PTPRN2: variants seen among roughly 807,000 people sequenced by gnomAD.
PTPRN2 encodes the protein receptor-type tyrosine-protein phosphatase N2.
In PTPRN2, 74 loss-of-function variants were observed where a neutral mutation model predicts 118.8. That is an observed-to-expected ratio of 0.62 (90% confidence interval 0.52 to 0.76). The LOEUF (loss-of-function observed/expected upper bound fraction) is 0.76. PTPRN2 is among the 30% of genes least tolerant of loss of function. PTPRN2 has a pLI of 0.00. For missense variants in PTPRN2, 1,481 were observed against 1,394.4 expected (o/e 1.06, Z -0.99); for synonymous variants, 641 against 608.0 (o/e 1.05, Z -0.80).
At chr7:157,731,949 G>C (rs1451881629) in intron 12 of PTPRN2, among the ~76,000 whole-genome samples, 1 of 44,530 alleles carries the variant, frequency 2.2e-5, no homozygotes, top group Admixed American at 2.5e-4. Flanking sequence ...CGTCCCATGC[G>C]CCCAGCACAG....
At chr7:157,814,112 G>C (rs998416609) in intron 12 of PTPRN2, among the ~76,000 whole-genome samples, 1 of 152,228 alleles carries the variant, frequency 6.6e-6, no homozygotes, top group Non-Finnish European at 1.5e-5. Context: ...CGGAGCCCCT[G>C]GGGGACACGG....
intron 21 of PTPRN2, among the ~76,000 whole-genome samples, chr7:157,563,550 C>G (rs1418410776): frequency 3.1e-5 from 4 of 128,218 alleles, no homozygotes; most frequent in Non-Finnish European, 6.5e-5. Flanking sequence ...CGTGCTCCCA[C>G]GTCACCACAC....
At position 157,987,944 on chromosome 7, in the gene PTPRN2, T is replaced by C. The variant is rs1377958855; in HGVS notation, c.1724-89207A>G. On this transcript the variant is annotated intron_variant, in intron 11 of 22. Coordinates refer to ENST00000389418, the MANE Select transcript of PTPRN2 (RefSeq NM_002847.5). This position sits in a 1 kb window ranked among gnomAD's most constrained non-coding sequence, Gnocchi z 4.3. ...CCAGAGAAGGGTCTCCGGACATCAC[T>C]GATGCCCCCAGCTCTCCCCACACCT... Among the ~76,000 whole-genome samples the C allele has an allele frequency of 6.6e-6, 1 of 151,962 alleles. No homozygotes were observed. The highest frequency in any genetic ancestry group is 1.9e-4 in the East Asian group (1 of 5,142).
At chr7:157,828,439 G>A (rs1259558441) in intron 12 of PTPRN2, among the ~76,000 whole-genome samples, 6 of 152,148 alleles carry the variant, frequency 3.9e-5, no homozygotes, top group Non-Finnish European at 7.3e-5. Flanking sequence ...TGTGCCCCTC[G>A]GGACCACTTC....
At chr7:158,586,025 T>TC (rs1402110315) in intron 1 of PTPRN2, among the ~76,000 whole-genome samples, 2 of 152,006 alleles carry the variant, frequency 1.3e-5, no homozygotes, top group African/African-American at 2.4e-5. Flanking sequence ...CATGCAGGAC[T>TC]CCCCCGTGCT....
At chr7:158,416,203 C>T (rs773820050) in intron 2 of PTPRN2, among the ~76,000 whole-genome samples, 1 of 152,212 alleles carries the variant, frequency 6.6e-6, no homozygotes, top group Non-Finnish European at 1.5e-5. Flanking sequence ...ACTTTGGGGC[C>T]CAGGAATGGG....
intron 12 of PTPRN2, among the ~76,000 whole-genome samples, chr7:157,825,699 T>TA (rs1303933794): frequency 2.6e-5 from 4 of 152,164 alleles, no homozygotes; most frequent in African/African-American, 9.7e-5. Flanking sequence ...CTCACACAGG[T>TA]ATCTCTCTCG....
chr7:158,340,404 C>A (rs1199419850), intron 2 of PTPRN2, among the ~76,000 whole-genome samples: 6 of 81,330 alleles, frequency 7.4e-5, no homozygotes, highest in Admixed American at 1.3e-4. Context: ...GAGCTGACAC[C>A]CGCAGACGTC....
intron 14 of PTPRN2, among the ~76,000 whole-genome samples, chr7:157,654,636 C>T (rs954055239): frequency 2.0e-5 from 3 of 152,168 alleles, no homozygotes; most frequent in Non-Finnish European, 2.9e-5. Context: ...GCAGGGTTTC[C>T]GCCAGGTGGA....
At chr7:158,424,585 T>TATGTGTGTACG (rs1308898438) in intron 2 of PTPRN2, among the ~76,000 whole-genome samples, 5 of 152,234 alleles carry the variant, frequency 3.3e-5, no homozygotes, top group Non-Finnish European at 5.9e-5. Context: ...CATACACACA[T>TATGTGTGTACG]GCCAGCACGC....
intron 12 of PTPRN2, among the ~76,000 whole-genome samples, chr7:157,774,532 T>C (rs1803075402): frequency 1.3e-5 from 2 of 152,250 alleles, no homozygotes; most frequent in Non-Finnish European, 2.9e-5. Context: ...GCCCCCCATC[T>C]CTGCACGCAG....
intron 12 of PTPRN2, among the ~76,000 whole-genome samples, chr7:157,812,734 A>G (rs1231308045): frequency 1.3e-5 from 2 of 152,094 alleles, no homozygotes; most frequent in South Asian, 2.1e-4. Context: ...TTTAACGTAT[A>G]GCCAAGGAGG....
At chr7:158,207,550 T>C (rs1299002342) in intron 3 of PTPRN2, among the ~76,000 whole-genome samples, 1 of 152,042 alleles carries the variant, frequency 6.6e-6, no homozygotes, top group Non-Finnish European at 1.5e-5. Context: ...AACCTACTCA[T>C]CTGACAAAGG....
chr7:158,146,626 C>A (rs373048748), intron 6 of PTPRN2, among the ~76,000 whole-genome samples: 1 of 143,910 alleles, frequency 6.9e-6, no homozygotes, highest in African/African-American at 2.6e-5. Context: ...GAGCCTGAGG[C>A]AGAAGAATGG....
rs990578728 is a variant in PTPRN2 at position 157,780,519 on chromosome 7, T to C, written c.1789-97582A>G. 3.9e-5 allele frequency among the ~76,000 whole-genome samples: 6 copies of C among 152,134 alleles called. No individual in the cohort carries two copies. Among genetic ancestry groups the C allele is most frequent in the East Asian group, 1.9e-4 (1 of 5,148 alleles). On this transcript the variant is annotated intron_variant, in intron 12 of 22. Coordinates refer to ENST00000389418, the MANE Select transcript of PTPRN2 (RefSeq NM_002847.5). The surrounding 1 kb of genome is among the most constrained non-coding windows in gnomAD (Gnocchi z 4.5). ...TGTCCCCACAGGCAGCTCGACATGG[T>C]GCAGACCGTGGCAGCCAAGTCAGGC...
rs968561182 is a variant in PTPRN2 at position 158,126,739 on chromosome 7, G to A, written c.1556+6938C>T. On this transcript the variant is annotated intron_variant, in intron 9 of 22. Transcript: ENST00000389418. Reference sequence around the variant, plus strand: ...AGCGGGCAGTGGTTCCTGAGCACTCGGTGGGTTTCACATTTCACATCTCAC... The same window carrying A: ...AGCGGGCAGTGGTTCCTGAGCACTCAGTGGGTTTCACATTTCACATCTCAC... Among the ~76,000 whole-genome samples the A allele has an allele frequency of 6.6e-5, 10 of 152,272 alleles. 1 individual carries two copies. Among genetic ancestry groups the A allele is most frequent in the African/African-American group, 1.2e-4 (5 of 41,546 alleles).
In PTPRN2 at chr7:157,868,035, T is replaced by G. The variant is rs1018041794; in HGVS notation, c.1788+30638A>C. Among the ~76,000 whole-genome samples the G allele has an allele frequency of 6.6e-6, 1 of 152,148 alleles. No homozygotes were observed. Among genetic ancestry groups the G allele is most frequent in the Non-Finnish European group, 1.5e-5 (1 of 68,022 alleles). On this transcript the variant is annotated intron_variant, in intron 12 of 22. Transcript: ENST00000389418. The surrounding 1 kb of genome is among the most constrained non-coding windows in gnomAD (Gnocchi z 5.2). ...CTGGAGATTAACTCACTGCCGCAGG[T>G]AGGATCACCTGAGTCCTCTAGGAAC...
intron 6 of PTPRN2, among the ~76,000 whole-genome samples, chr7:158,145,435 A>G (rs776732388): frequency 3.3e-5 from 5 of 152,228 alleles, no homozygotes; most frequent in South Asian, 4.1e-4. Context: ...ACTCAACCAT[A>G]TGAACAGCCT....
intron 15 of PTPRN2, among the ~76,000 whole-genome samples, chr7:157,607,036 A>C (rs994069058): frequency 2.0e-5 from 3 of 152,228 alleles, no homozygotes; most frequent in African/African-American, 7.2e-5. Context: ...CAGGAATGTC[A>C]TGAAGCTGCA....
Sources: allele counts gnomAD v4.1 joint callset (sites outside exome capture counted in the v4.1 genomes callset), GRCh38; gene constraint gnomAD v4.1.1; non-coding constraint Gnocchi (gnomAD v3.1); transcripts MANE v1.5; gene names NCBI Gene and HGNC (gene_info 2026-07-23, HGNC 2026-07-21).